The following ECM1 variants were observed in gnomAD, a reference collection of about 807,000 sequenced individuals.
ECM1 encodes the protein secretory component p85.
In ECM1, 54 loss-of-function variants were observed where a neutral mutation model predicts 57.9. That is an observed-to-expected ratio of 0.93 (90% CI 0.75 to 1.17). ECM1 has a LOEUF of 1.17. Among genes scored for constraint, ECM1 ranks in the 50% most tolerant of loss-of-function variants. ECM1 has a pLI of 0.00. For synonymous variants in ECM1, 237 were observed against 259.1 expected, an observed-to-expected ratio of 0.91 and a Z score of 0.82; for missense variants, 649 against 688.1, an observed-to-expected ratio of 0.94 and a Z score of 0.64.
In ECM1 at chr1:150,511,032, G is replaced by T. The variant is rs1560265573; in HGVS notation, c.542G>T (p.Cys181Phe). 1.9e-6 allele frequency: 3 copies of T among 1,614,140 alleles called. No homozygotes were observed. Among genetic ancestry groups the T allele is most frequent in the East Asian group, 4.5e-5 (2 of 44,880 alleles). Residue 181 changes from cysteine to phenylalanine, a missense_variant, in exon 6 of 10, where the codon TGC (cysteine) becomes TTC (phenylalanine). By Grantham distance (205) the Cys-to-Phe change is radical (BLOSUM62 -2). Coordinates refer to ENST00000369047, the MANE Select transcript of ECM1 (RefSeq NM_004425.4). ...RPSPDNLNQI[C>F]LPNRQHVVYG... ...TCTCCAGACAATCTGAACCAAATCTGCCTTCCTAACCGTCAGCATGTGGTA... is the reference window on the plus strand; with the variant it reads ...TCTCCAGACAATCTGAACCAAATCTTCCTTCCTAACCGTCAGCATGTGGTA...
intron 5 of ECM1, 132 bp from the exon 6 acceptor site, chr1:150,510,744 G>A: frequency 2.1e-6 from 2 of 942,674 alleles, no homozygotes; most frequent in Non-Finnish European, 3.4e-6. Flanking sequence ...GCCACAAATT[G>A]TTCTTTCTCA....
rs773208258 is a variant in ECM1 at position 150,510,699 on chromosome 1, C to A, written c.386-177C>A. 25 of 729,270 alleles carry A rather than the reference C, an allele frequency of 3.4e-5. No homozygotes were observed. The South Asian group carries it at 4.0e-4, about 12-fold the overall frequency. 45.2% of individuals were successfully genotyped at this position (729,270 alleles called of 1,614,324 possible). A position where few individuals can be genotyped will look rare whatever the true frequency, so the allele number is the denominator to read the frequency against. ...GTGAGCTGACACCTTTCACACCTCG[C>A]TTCTCTTTTCCTTTCAGTTATTTTA... On this transcript the variant is annotated intron_variant, in intron 5 of 9. Transcript: ENST00000369047.
intron 9 of ECM1, 128 bp from the exon 10 acceptor site, chr1:150,513,109 C>A: frequency 9.9e-7 from 1 of 1,011,428 alleles, no homozygotes; most frequent in Admixed American, 2.0e-5. Flanking sequence ...CTCTCTGGGC[C>A]CCAGGAGGGG....
intron 5 of ECM1, 123 bp from the exon 6 acceptor site, chr1:150,510,753 C>T (rs1304636217): frequency 6.0e-6 from 6 of 1,003,698 alleles, no homozygotes; most frequent in East Asian, 4.8e-5. Flanking sequence ...TGTTCTTTCT[C>T]ATTTCCACTA....
At chr1:150,509,800 C>T in intron 3 of ECM1, 38 bp downstream of exon 3, 1 of 1,613,886 alleles carries the variant, frequency 6.2e-7, no homozygotes, top group South Asian at 1.1e-5. Context: ...AGTGACCCTC[C>T]AGGTTTCTAA....
At chr1:150,509,064 C>T (rs971555517) in intron 1 of ECM1, among the ~76,000 whole-genome samples, 2 of 152,174 alleles carry the variant, frequency 1.3e-5, no homozygotes, top group African/African-American at 4.8e-5. Flanking sequence ...GCCTCCTTAA[C>T]CAAAGGCCTA....
chr1:150,512,300 G>A, intron 7 of ECM1, 52 bp from the exon 8 acceptor site: 1 of 1,592,682 alleles, frequency 6.3e-7, no homozygotes, highest in Admixed American at 1.7e-5. Context: ...CGATGGTCAG[G>A]AGAGAAGGGG....
Position 150,513,788 on chromosome 1 carries a change from C to G in ECM1, c.*321C>G. On this transcript the variant is annotated 3_prime_UTR_variant, in exon 10 of 10. Coordinates refer to ENST00000369047, the MANE Select transcript of ECM1 (RefSeq NM_004425.4). ...CGACCATAACTAAACAGCTTGACGT[C>G]ACTTTGCCATCTTGAATTTATTCAC... 1 of 247,582 alleles carries G rather than the reference C, an allele frequency of 4.0e-6. No individual in the cohort carries two copies. Among genetic ancestry groups the G allele is most frequent in the Non-Finnish European group, 7.9e-6 (1 of 127,012 alleles). The allele number at this position is 247,582 out of a possible 1,614,324, so 15.3% of individuals were successfully genotyped here.
rs1570887848 is a variant in ECM1 at position 150,513,330 on chromosome 1, G to A, written c.1486G>A (p.Val496Ile). 3 of 1,614,252 alleles carry A rather than the reference G, an allele frequency of 1.9e-6. No homozygotes were observed. The highest frequency in any genetic ancestry group is 2.5e-6 in the Non-Finnish European group (3 of 1,180,044). ...TTACCTGAGTCCTGGGGATGAACAG[G>A]TCAACTGCTTCAACATCAATTATCT... is the stretch of plus-strand genomic sequence containing the variant. ...CCYLSPGDEQ[V>I]NCFNINYLRN... The change falls in exon 10 of 10, where the codon GTC becomes ATC. Residue 496 changes from valine to isoleucine, a missense_variant. Physicochemically the swap from Val to Ile is conservative, Grantham distance 29. Transcript: ENST00000369047.
chr1:150,509,875 C>T, intron 3 of ECM1, 47 bp from the exon 4 acceptor site: 1 of 1,613,990 alleles, frequency 6.2e-7, no homozygotes, highest in African/African-American at 1.3e-5. Context: ...ACTCCCAGCC[C>T]TGGCTAGGAG....
chr1:150,513,179 A>G, intron 9 of ECM1, 58 bp from the exon 10 acceptor site: 1 of 1,560,562 alleles, frequency 6.4e-7, no homozygotes, highest in Non-Finnish European at 8.8e-7. Context: ...AAGTATCTAC[A>G]TCTGTCCTTG....
chr1:150,509,469 C>A, intron 1 of ECM1, 62 bp from the exon 2 acceptor site: 1 of 1,575,766 alleles, frequency 6.3e-7, no homozygotes, highest in Non-Finnish European at 8.7e-7. Context: ...GCCTCCCCAT[C>A]CCTTGCTGAA....
chr1:150,508,736 T>G (rs1420609974), intron 1 of ECM1, among the ~76,000 whole-genome samples: 1 of 152,008 alleles, frequency 6.6e-6, no homozygotes, highest in Non-Finnish European at 1.5e-5. Flanking sequence ...CACAAACACA[T>G]TCTTTATCTG....
At position 150,511,477 on chromosome 1, in the gene ECM1, A is replaced by G; in HGVS notation, c.729A>G (p.Arg243=). The change falls in exon 7 of 10, where the codon CGA becomes CGG. Residue 243 remains arginine (R), a synonymous_variant. Coordinates refer to ENST00000369047, the MANE Select transcript of ECM1 (RefSeq NM_004425.4). The part of the protein sequence containing the change: ...AKLVWEEAMS[R]FCEAEFSVKT... ...TCTAGTGGGAGGAAGCAATGAGCCG[A>G]TTCTGTGAGGCCGAGTTCTCGGTCA... 6.2e-7 allele frequency: 1 copy of G among 1,614,026 alleles called. No individual in the cohort carries two copies. Among genetic ancestry groups the G allele is most frequent in the Non-Finnish European group, 8.5e-7 (1 of 1,179,984 alleles).
chr1:150,511,228 G>A (rs1288664544), intron 6 of ECM1, 30 bp downstream of exon 6: 1 of 1,612,494 alleles, frequency 6.2e-7, no homozygotes, highest in African/African-American at 1.3e-5. Flanking sequence ...GCCGGGGGGT[G>A]TCCTTTAACC....
At chr1:150,512,216 A>G in intron 7 of ECM1, 136 bp from the exon 8 acceptor site, 1 of 954,878 alleles carries the variant, frequency 1.0e-6, no homozygotes, top group Non-Finnish European at 1.6e-6. Context: ...CTAACCCTCT[A>G]CTTTTTTGCC....
At chr1:150,512,692 A>C (rs759394936) in intron 8 of ECM1, 33 bp from the exon 9 acceptor site, 2 of 1,612,918 alleles carry the variant, frequency 1.2e-6, no homozygotes, top group South Asian at 2.2e-5. Flanking sequence ...ATGCCCAAAG[A>C]CCCTAACCCC....
intron 6 of ECM1, 92 bp downstream of exon 6, chr1:150,511,290 G>A: frequency 6.3e-7 from 1 of 1,592,538 alleles, no homozygotes; most frequent in East Asian, 2.2e-5. Flanking sequence ...GGGTCTGGAG[G>A]AACCTCAGGT....
At position 150,512,758 on chromosome 1, in the gene ECM1, T is replaced by C. The variant is rs747789147; in HGVS notation, c.1338T>C (p.Thr446=). The part of the protein sequence containing the change: ...KHIPGLIHNM[T]ARCCDLPFPE... Reference sequence around the variant, plus strand: ...TTCCTGGGCTGATCCACAACATGACTGCCCGCTGCTGTGACCTGCCATTTC... The same window carrying C: ...TTCCTGGGCTGATCCACAACATGACCGCCCGCTGCTGTGACCTGCCATTTC... The change falls in exon 9 of 10, where the codon ACT becomes ACC. Residue 446 remains threonine (T), a synonymous_variant. Transcript: ENST00000369047. 8.7e-6 allele frequency: 14 copies of C among 1,614,132 alleles called. No individual in the cohort carries two copies. Among genetic ancestry groups the C allele is most frequent in the Non-Finnish European group, 1.2e-5 (14 of 1,180,024 alleles).
Sources: allele counts gnomAD v4.1 joint callset (sites outside exome capture counted in the v4.1 genomes callset), GRCh38; gene constraint gnomAD v4.1.1; transcripts MANE v1.5; gene names NCBI Gene and HGNC (gene_info 2026-07-23, HGNC 2026-07-21).